ERC1: variants seen among roughly 807,000 people sequenced by gnomAD.
ERC1 encodes ELKS/RAB6-interacting/CAST family member 1.
ERC1 carries 56 observed loss-of-function variants against 132.0 expected under a neutral mutation model. The ratio of observed to expected loss-of-function variants is 0.42; its 90% confidence interval spans 0.34 to 0.53. The LOEUF (loss-of-function observed/expected upper bound fraction) is 0.53. Ranked by LOEUF, ERC1 falls within the 20% of genes least tolerant of loss-of-function variation. The pLI is 0.03. For synonymous variants in ERC1, 478 were observed against 476.1 expected, an observed-to-expected ratio of 1.00 and a Z score of -0.05; for missense variants, 1,202 against 1,349.9, an observed-to-expected ratio of 0.89 and a Z score of 1.72.
chr12:1,092,426 C>T (rs999678149), intron 3 of ERC1, among the ~76,000 whole-genome samples: 23 of 152,092 alleles, frequency 1.5e-4, no homozygotes, highest in East Asian at 1.9e-4. Context: ...TTTGTTTGCC[C>T]GTGTATTCAC....
chr12:1,077,999 A>G (rs565273102), intron 2 of ERC1, among the ~76,000 whole-genome samples: 1 of 152,336 alleles, frequency 6.6e-6, no homozygotes, highest in Non-Finnish European at 1.5e-5. Context: ...TACTATAGTA[A>G]AATGGGTGCA....
chr12:1,199,495 G>C (rs753017424), intron 12 of ERC1, among the ~76,000 whole-genome samples: 1 of 152,288 alleles, frequency 6.6e-6, no homozygotes, highest in South Asian at 2.1e-4. Flanking sequence ...TTATGGCCAG[G>C]CACGGTGGTT....
At position 1,308,317 on chromosome 12, in the gene ERC1, T is replaced by C. The variant is rs1054524855; in HGVS notation, c.2780+18305T>C. Among the ~76,000 whole-genome samples the C allele has an allele frequency of 2.0e-5, 3 of 150,982 alleles. No individual in the cohort carries two copies. The Middle Eastern group carries it at 0.01, about 521-fold the overall frequency. On this transcript the variant is annotated intron_variant, in intron 15 of 18. Coordinates refer to ENST00000360905, the MANE Select transcript of ERC1 (RefSeq NM_178040.4). ...AACAGATTAGCAGCAAATAAAGACC[T>C]GAGATAAAGAAAAAAAAAATGCTTT...
At chr12:1,076,787 A>G (rs905678903) in intron 2 of ERC1, among the ~76,000 whole-genome samples, 2 of 152,214 alleles carry the variant, frequency 1.3e-5, no homozygotes, top group Non-Finnish European at 2.9e-5. Flanking sequence ...TACTTTCAAC[A>G]TAATTTCTCA....
At chr12:1,482,949 C>T (rs1282831099) in intron 18 of ERC1, among the ~76,000 whole-genome samples, 1 of 152,126 alleles carries the variant, frequency 6.6e-6, no homozygotes, top group Non-Finnish European at 1.5e-5. Context: ...CAGCCCCAAG[C>T]AGCTGCCACT....
At chr12:1,480,011 G>C (rs2094055498) in intron 18 of ERC1, among the ~76,000 whole-genome samples, 1 of 151,946 alleles carries the variant, frequency 6.6e-6, no homozygotes. Context: ...CTCTACCGAA[G>C]GTGTATACTT....
At chr12:1,131,048 G>T (rs1948715175) in intron 7 of ERC1, among the ~76,000 whole-genome samples, 1 of 152,134 alleles carries the variant, frequency 6.6e-6, no homozygotes, top group Non-Finnish European at 1.5e-5. Context: ...ATACCAGTCA[G>T]ATTTAACATA....
At chr12:1,115,226 A>G (rs1254070892) in intron 6 of ERC1, among the ~76,000 whole-genome samples, 3 of 152,062 alleles carry the variant, frequency 2.0e-5, no homozygotes, top group East Asian at 3.8e-4. Context: ...GGTGTTAGAA[A>G]GAAAATACTT....
At chr12:1,258,728 C>T (rs1042491178) in intron 13 of ERC1, among the ~76,000 whole-genome samples, 6 of 152,118 alleles carry the variant, frequency 3.9e-5, no homozygotes, top group Non-Finnish European at 7.4e-5. Context: ...TTTAGAACAT[C>T]CCATGGTTAT....
intron 15 of ERC1, among the ~76,000 whole-genome samples, chr12:1,366,188 G>T (rs2086648538): frequency 6.6e-6 from 1 of 152,074 alleles, no homozygotes; most frequent in South Asian, 2.1e-4. Flanking sequence ...AATGGTTATG[G>T]TAAATTTTAT....
chr12:1,240,324 T>A (rs1199943944), intron 13 of ERC1, among the ~76,000 whole-genome samples: 1 of 152,150 alleles, frequency 6.6e-6, no homozygotes, highest in Non-Finnish European at 1.5e-5. Flanking sequence ...GGTGGTGACA[T>A]GGGGTGTATG....
At chr12:1,183,472 G>GA in intron 11 of ERC1, 51 bp downstream of exon 11, 1 of 1,315,282 alleles carries the variant, frequency 7.6e-7, no homozygotes. Context: ...TAAGAACATA[G>GA]TAGATAACCT....
At chr12:1,465,214 A>G (rs1455402354) in intron 18 of ERC1, among the ~76,000 whole-genome samples, 2 of 152,208 alleles carry the variant, frequency 1.3e-5, no homozygotes, top group Non-Finnish European at 2.9e-5. Context: ...TGTGAATGCC[A>G]AAGAGACATG....
At chr12:1,005,721 A>G (rs999622964) in intron 1 of ERC1, among the ~76,000 whole-genome samples, 2 of 152,106 alleles carry the variant, frequency 1.3e-5, no homozygotes, top group Non-Finnish European at 2.9e-5. Flanking sequence ...TTTAAAATAA[A>G]TTAATTGAAA....
At chr12:1,197,936 CTT>C (rs955933067) in intron 12 of ERC1, among the ~76,000 whole-genome samples, 2 of 142,782 alleles carry the variant, frequency 1.4e-5, no homozygotes, top group Non-Finnish European at 1.5e-5. Context: ...GTTTTTGTTG[CTT>C]TTTTTTTTTG....
chr12:1,172,259 C>T (rs1448312623), intron 8 of ERC1, among the ~76,000 whole-genome samples: 1 of 152,106 alleles, frequency 6.6e-6, no homozygotes, highest in Non-Finnish European at 1.5e-5. Context: ...CACTTGAGGC[C>T]AGGAGTTTGA....
intron 17 of ERC1, among the ~76,000 whole-genome samples, chr12:1,416,879 A>C (rs139158292): frequency 3.9e-5 from 6 of 152,266 alleles, no homozygotes; most frequent in Middle Eastern, 3.4e-3. Context: ...GTTAGCTATT[A>C]GCTGGCTTTA....
chr12:1,018,888 A>G (rs1965917224), intron 1 of ERC1, among the ~76,000 whole-genome samples: 1 of 152,162 alleles, frequency 6.6e-6, no homozygotes, highest in Admixed American at 6.6e-5. Flanking sequence ...GAGGGGCATG[A>G]AGGTTTGTGT....
intron 12 of ERC1, among the ~76,000 whole-genome samples, chr12:1,210,677 A>G (rs1594246050): frequency 2.6e-5 from 4 of 152,272 alleles, no homozygotes; most frequent in Admixed American, 2.6e-4. Flanking sequence ...GTTGCTGTCA[A>G]TGGCTACAAA....
Sources: gnomAD v4.1 joint callset for allele counts (sites outside exome capture counted in the v4.1 genomes callset) on GRCh38, gnomAD v4.1.1 for gene constraint, MANE v1.5 for transcripts, NCBI Gene and HGNC (gene_info 2026-07-23, HGNC 2026-07-21) for gene names.